TPRG1: variants seen among roughly 807,000 people sequenced by gnomAD.
The protein encoded by TPRG1 is tumor protein p63-regulated gene 1 protein.
A neutral mutation model predicts 29.3 loss-of-function variants in TPRG1; 29 were observed. The observed-to-expected ratio is 0.99, with a 90% CI of 0.74 to 1.35. The LOEUF is 1.35. TPRG1 is among the 40% of genes most tolerant of loss of function. The probability of loss-of-function intolerance (pLI) is 0.00; values close to 1 mark genes in which losing one functional copy is unlikely to be tolerated. For synonymous variants in TPRG1, 130 were observed against 116.8 expected (o/e 1.11, Z -0.73); for missense variants, 327 against 335.0 (o/e 0.98, Z 0.19).
At chr3:189,054,203 C>G (rs1715510245) in intron 4 of TPRG1, among the ~76,000 whole-genome samples, 1 of 151,960 alleles carries the variant, frequency 6.6e-6, no homozygotes, top group Non-Finnish European at 1.5e-5. Context: ...ATTGTTATGT[C>G]TCAAAGAGGA....
chr3:189,185,714 A>G (rs1406207281), intron 1 of TPRG1, among the ~76,000 whole-genome samples: 1 of 152,196 alleles, frequency 6.6e-6, no homozygotes, highest in African/African-American at 2.4e-5. Context: ...TCCAATGCAT[A>G]TGTGCATTGG....
intron 1 of TPRG1, among the ~76,000 whole-genome samples, chr3:189,116,050 G>A (rs889637440): frequency 1.3e-5 from 2 of 152,070 alleles, no homozygotes; most frequent in African/African-American, 4.8e-5. Flanking sequence ...ATATAAAATG[G>A]TATAGCCAGT....
intron 4 of TPRG1, among the ~76,000 whole-genome samples, chr3:189,087,304 T>C (rs1718015212): frequency 6.6e-6 from 1 of 152,256 alleles, no homozygotes; most frequent in Non-Finnish European, 1.5e-5. Flanking sequence ...ATAAATGTCT[T>C]CTTTTGAGAA....
intron 4 of TPRG1, 50 bp from the exon 5 acceptor site, chr3:189,310,336 T>G: frequency 6.7e-7 from 1 of 1,498,456 alleles, no homozygotes; most frequent in East Asian, 2.3e-5. Flanking sequence ...CTATTTTTTT[T>G]TTTTTGGAAA....
chr3:189,086,564 G>A (rs75268627), intron 4 of TPRG1, among the ~76,000 whole-genome samples: 13,382 of 128,390 alleles, frequency 0.1, 779 homozygotes, highest in African/African-American at 0.19. Flanking sequence ...GTTTGCTCTT[G>A]TTGCCTAGGC....
intron 1 of TPRG1, among the ~76,000 whole-genome samples, chr3:189,118,489 G>A (rs1721437366): frequency 6.6e-6 from 1 of 152,168 alleles, no homozygotes; most frequent in Admixed American, 6.5e-5. Context: ...GACAATGGGG[G>A]AAAATGTCTC....
At chr3:189,290,988 C>T (rs962306320) in intron 4 of TPRG1, among the ~76,000 whole-genome samples, 43 of 152,170 alleles carry the variant, frequency 2.8e-4, no homozygotes, top group African/African-American at 9.2e-4. Flanking sequence ...CTGCAAGCTC[C>T]GCCTCCGGGT....
At chr3:189,300,354 A>G (rs1720638340) in intron 4 of TPRG1, among the ~76,000 whole-genome samples, 1 of 152,226 alleles carries the variant, frequency 6.6e-6, no homozygotes, top group Non-Finnish European at 1.5e-5. Flanking sequence ...TGCCTGGAAC[A>G]ATTTAGGCCT....
chr3:189,087,958 T>C (rs1345116927), intron 4 of TPRG1, among the ~76,000 whole-genome samples: 1 of 152,198 alleles, frequency 6.6e-6, no homozygotes, highest in East Asian at 1.9e-4. Flanking sequence ...CCAGCTTTGT[T>C]CTTTTGGCTT....
At chr3:189,158,001 C>T (rs993777531) in intron 5 of TPRG1, among the ~76,000 whole-genome samples, 1 of 152,190 alleles carries the variant, frequency 6.6e-6, no homozygotes, top group African/African-American at 2.4e-5. Flanking sequence ...ATGTTATTTA[C>T]TGTGGGACTT....
At chr3:188,999,597 G>A (rs190411622) in intron 1 of TPRG1, among the ~76,000 whole-genome samples, 1 of 152,040 alleles carries the variant, frequency 6.6e-6, no homozygotes, top group African/African-American at 2.4e-5. Context: ...AGGAGAATAA[G>A]TAATACACAC....
At position 189,005,087 on chromosome 3, in the gene TPRG1, A is replaced by G. The variant is rs553430228; in HGVS notation, c.-660+327A>G. On this transcript the variant is annotated intron_variant, in intron 3 of 10. Transcript: ENST00000433971. ...ACTCAGGGACATAGAGAGTAGAAGAATGATTACCAGAGGCTGGGAAGGGTA... is the reference window on the plus strand; with the variant it reads ...ACTCAGGGACATAGAGAGTAGAAGAGTGATTACCAGAGGCTGGGAAGGGTA... 1.3e-4 allele frequency among the ~76,000 whole-genome samples: 20 copies of G among 152,268 alleles called. No homozygotes were observed. The East Asian group carries it at 3.5e-3, about 26-fold the overall frequency.
chr3:189,220,396 C>G (rs1736763478), intron 3 of TPRG1, among the ~76,000 whole-genome samples: 1 of 152,062 alleles, frequency 6.6e-6, no homozygotes, highest in Non-Finnish European at 1.5e-5. Flanking sequence ...GTTTTGATGT[C>G]CATGCATTTG....
chr3:189,316,919 T>C (rs1290641613), intron 5 of TPRG1, among the ~76,000 whole-genome samples: 1 of 152,150 alleles, frequency 6.6e-6, no homozygotes, highest in Admixed American at 6.6e-5. Flanking sequence ...GCCTTTTGTC[T>C]GCCTCTCCTT....
intron 4 of TPRG1, among the ~76,000 whole-genome samples, chr3:189,085,741 T>C (rs4396885): frequency 0.14 from 21,131 of 152,124 alleles, 2,549 homozygotes; most frequent in African/African-American, 0.33. Flanking sequence ...GAATAAGTGA[T>C]CTGATCCATA....
intron 3 of TPRG1, 22 bp from the exon 4 acceptor site, chr3:189,238,711 T>C: frequency 6.4e-7 from 1 of 1,569,642 alleles, no homozygotes; most frequent in Non-Finnish European, 8.7e-7. Context: ...TCAATTTTTA[T>C]TTGCTATGAT....
At chr3:189,159,102 A>G (rs1361312519) in intron 5 of TPRG1, among the ~76,000 whole-genome samples, 2 of 152,042 alleles carry the variant, frequency 1.3e-5, no homozygotes, top group Non-Finnish European at 2.9e-5. Flanking sequence ...CTCTCACACC[A>G]CATGTGCACC....
At chr3:189,156,747 G>A (rs577744098) in intron 5 of TPRG1, among the ~76,000 whole-genome samples, 42 of 152,172 alleles carry the variant, frequency 2.8e-4, no homozygotes, top group South Asian at 1.0e-3. Flanking sequence ...GTATTTCCTC[G>A]TTGTTCTTTG....
chr3:189,106,006 A>G (rs73053447), intron 1 of TPRG1, among the ~76,000 whole-genome samples: 9,104 of 152,116 alleles, frequency 0.06, 890 homozygotes, highest in African/African-American at 0.2. Flanking sequence ...ATGTTTACCT[A>G]TGTAACAAAC....
Sources: gnomAD v4.1 joint callset for allele counts (sites outside exome capture counted in the v4.1 genomes callset) on GRCh38, gnomAD v4.1.1 for gene constraint, MANE v1.5 for transcripts, NCBI Gene and HGNC (gene_info 2026-07-23, HGNC 2026-07-21) for gene names.